Variants in AAMDC observed in about 807,000 individuals in gnomAD.
AAMDC encodes the protein adipogenesis associated Mth938 domain containing, also known as mth938 domain-containing protein.
A neutral mutation model predicts 15.5 loss-of-function variants in AAMDC; 16 were observed. The observed-to-expected ratio is 1.03, with a 90% CI of 0.70 to 1.57. The LOEUF is 1.57. AAMDC is among the 40% of genes most tolerant of loss of function. The pLI is 0.00. For synonymous variants in AAMDC, 51 were observed against 51.6 expected, an observed-to-expected ratio of 0.99 and a Z score of 0.05; for missense variants, 141 against 144.9, an observed-to-expected ratio of 0.97 and a Z score of 0.14.
rs1452298061 is a variant in AAMDC at position 77,872,162 on chromosome 11, T to A, written c.229-13T>A. On this transcript the variant is annotated splice_polypyrimidine_tract_variant and intron_variant, in intron 3 of 3. Transcript: ENST00000393427. Reference sequence around the variant, plus strand: ...TTTCCCCCTACTTACTCATCTCTTTTCCACCTTCCCAGGTGCCTTCATCAA... The same window carrying A: ...TTTCCCCCTACTTACTCATCTCTTTACCACCTTCCCAGGTGCCTTCATCAA... 1.2e-6 allele frequency: 2 copies of A among 1,610,018 alleles called. No individual in the cohort carries two copies. Among genetic ancestry groups the A allele is most frequent in the South Asian group, 2.2e-5 (2 of 90,298 alleles).
chr11:77,837,493 C>T (rs1423116626), intron 1 of AAMDC, among the ~76,000 whole-genome samples: 1 of 151,962 alleles, frequency 6.6e-6, no homozygotes, highest in Non-Finnish European at 1.5e-5. Flanking sequence ...CTCGCTCTGT[C>T]ACCCAGGCTG....
intron 3 of AAMDC, chr11:77,870,049 C>T: frequency 3.0e-6 from 1 of 338,184 alleles, no homozygotes; most frequent in Non-Finnish European, 5.4e-6. Flanking sequence ...CCCTCAAGTT[C>T]TACAAGGATC....
intron 1 of AAMDC, among the ~76,000 whole-genome samples, chr11:77,821,912 G>T (rs868538172): frequency 6.6e-6 from 1 of 151,936 alleles, no homozygotes; most frequent in Non-Finnish European, 1.5e-5. Flanking sequence ...TTATTTCTTT[G>T]AACTCCTTAG....
At chr11:77,856,448 C>A (rs1169875967) in intron 2 of AAMDC, among the ~76,000 whole-genome samples, 1 of 152,174 alleles carries the variant, frequency 6.6e-6, no homozygotes, top group Non-Finnish European at 1.5e-5. Context: ...GCTGCTTCCA[C>A]ATTTTTTAGT....
At chr11:77,886,861 C>T (rs551445658) in intron 5 of AAMDC, among the ~76,000 whole-genome samples, 4 of 152,024 alleles carry the variant, frequency 2.6e-5, no homozygotes, top group African/African-American at 7.2e-5. Flanking sequence ...GGGTACATAA[C>T]GAAATGAAGG....
chr11:77,823,056 T>C (rs2136017862), intron 1 of AAMDC, among the ~76,000 whole-genome samples: 2 of 151,578 alleles, frequency 1.3e-5, no homozygotes, highest in South Asian at 4.2e-4. Context: ...CTACTAAAAA[T>C]ACAAAAAATT....
chr11:77,899,375 C>A (rs1482050261), intron 5 of AAMDC, among the ~76,000 whole-genome samples: 1 of 151,726 alleles, frequency 6.6e-6, no homozygotes. Context: ...GGAATGCATA[C>A]AAATGAAAAA....
intron 5 of AAMDC, chr11:77,878,859 C>T: frequency 1.1e-6 from 1 of 907,488 alleles, no homozygotes; most frequent in East Asian, 2.4e-5. Flanking sequence ...TAAGCCTACA[C>T]ATCAATTCCA....
At chr11:77,878,095 G>A (rs1285297284) in intron 5 of AAMDC, among the ~76,000 whole-genome samples, 1 of 152,148 alleles carries the variant, frequency 6.6e-6, no homozygotes, top group Non-Finnish European at 1.5e-5. Flanking sequence ...AGGCGCGGTT[G>A]CTCACACTTG....
intron 2 of AAMDC, among the ~76,000 whole-genome samples, chr11:77,858,579 G>A (rs1010313657): frequency 2.6e-4 from 39 of 152,106 alleles, no homozygotes; most frequent in African/African-American, 9.2e-4. Flanking sequence ...GCTAGCCTTA[G>A]GGATTCTTAG....
downstream of AAMDC, chr11:77,872,442 T>G: frequency 8.5e-7 from 1 of 1,170,932 alleles, no homozygotes; most frequent in Non-Finnish European, 1.2e-6. Flanking sequence ...GCTAGGCTCT[T>G]GGGATGCAGG....
chr11:77,883,864 G>T (rs1565221192), intron 5 of AAMDC: 1 of 1,612,910 alleles, frequency 6.2e-7, no homozygotes, highest in Non-Finnish European at 8.5e-7. Context: ...ATAAACCTGA[G>T]TGATGAGCCG....
intron 1 of AAMDC, among the ~76,000 whole-genome samples, chr11:77,837,212 T>C (rs1949722345): frequency 6.6e-6 from 1 of 151,794 alleles, no homozygotes; most frequent in African/African-American, 2.4e-5. Flanking sequence ...CTCAGCTCAC[T>C]GCAACCTCCA....
At chr11:77,879,058 CA>C in intron 5 of AAMDC, 1 of 1,614,150 alleles carries the variant, frequency 6.2e-7, no homozygotes. Flanking sequence ...ACCCTCCATC[CA>C]GGGGCATTTT....
At chr11:77,882,442 ACTGTAATTTG>A (rs1951830792) in intron 5 of AAMDC, among the ~76,000 whole-genome samples, 1 of 152,128 alleles carries the variant, frequency 6.6e-6, no homozygotes, top group African/African-American at 2.4e-5. Context: ...GCTACAGCAT[ACTGTAATTTG>A]CTTTCCTGAG....
At chr11:77,884,747 A>G (rs1451532577) in intron 5 of AAMDC, 3 of 369,712 alleles carry the variant, frequency 8.1e-6, no homozygotes, top group Non-Finnish European at 1.7e-5. Flanking sequence ...CTGATTCTAC[A>G]CTTCTTTCTT....
At chr11:77,824,631 G>A (rs1485948365) in intron 1 of AAMDC, among the ~76,000 whole-genome samples, 2 of 152,122 alleles carry the variant, frequency 1.3e-5, no homozygotes, top group Non-Finnish European at 2.9e-5. Context: ...AAAGAGTTAG[G>A]TACTGTACAA....
chr11:77,900,402 T>A (rs952928323), intron 5 of AAMDC, among the ~76,000 whole-genome samples: 2 of 152,146 alleles, frequency 1.3e-5, no homozygotes, highest in Admixed American at 1.3e-4. Flanking sequence ...CCCGGCCACA[T>A]ATGAATATCT....
chr11:77,866,956 TCAGCCTCCTGAG>T (rs1951144358), intron 2 of AAMDC, among the ~76,000 whole-genome samples: 1 of 152,134 alleles, frequency 6.6e-6, no homozygotes, highest in South Asian at 2.1e-4. Context: ...TTCTCCTGCC[TCAGCCTCCTGAG>T]TAGCTGGAAT....
Sources: gnomAD v4.1 joint callset for allele counts (sites outside exome capture counted in the v4.1 genomes callset) on GRCh38, gnomAD v4.1.1 for gene constraint, MANE v1.5 for transcripts, NCBI Gene and HGNC (gene_info 2026-07-23, HGNC 2026-07-21) for gene names.